TUSC3: variants seen among roughly 807,000 people sequenced by gnomAD.
TUSC3 encodes dolichyl-diphosphooligosaccharide--protein glycosyltransferase subunit TUSC3.
Under a neutral mutation model 44.8 loss-of-function variants are expected in TUSC3, and 45 were observed. The observed-to-expected ratio is 1.00, with a 90% confidence interval of 0.79 to 1.29. TUSC3 has a LOEUF of 1.29. TUSC3 is among the 50% of genes most tolerant of loss of function. The pLI is 0.00. For synonymous variants in TUSC3, 212 were observed against 152.9 expected (o/e 1.39, Z -2.85); for missense variants, 519 against 437.9 (o/e 1.19, Z -1.65).
intron 1 of TUSC3, among the ~76,000 whole-genome samples, chr8:15,547,373 G>T (rs376243548): frequency 1.5e-4 from 22 of 151,612 alleles, no homozygotes; most frequent in Admixed American, 2.0e-4. Context: ...CCATTGCCAA[G>T]TTAGTTTCTA....
intron 1 of TUSC3, among the ~76,000 whole-genome samples, chr8:15,614,685 T>G (rs11781005): frequency 0.22 from 33,585 of 151,996 alleles, 4,489 homozygotes; most frequent in Non-Finnish European, 0.31. Context: ...GTCTATCCAT[T>G]CAACAGTTGA....
chr8:15,703,736 C>T (rs556655959), intron 6 of TUSC3, among the ~76,000 whole-genome samples: 5 of 152,098 alleles, frequency 3.3e-5, no homozygotes, highest in African/African-American at 9.6e-5. Context: ...AAACTAATAG[C>T]GGGAGAACTC....
chr8:15,565,904 A>G (rs1036834680), intron 1 of TUSC3, among the ~76,000 whole-genome samples: 4 of 152,260 alleles, frequency 2.6e-5, no homozygotes, highest in African/African-American at 9.6e-5. Context: ...GTAAGCCACT[A>G]AAATTTTGGG....
At chr8:15,617,879 A>G (rs1805063511) in intron 1 of TUSC3, among the ~76,000 whole-genome samples, 1 of 152,192 alleles carries the variant, frequency 6.6e-6, no homozygotes, top group African/African-American at 2.4e-5. Flanking sequence ...TAAAGACAAA[A>G]GTATGCTCAC....
chr8:15,585,641 C>G (rs1032410184), intron 1 of TUSC3, among the ~76,000 whole-genome samples: 1 of 152,110 alleles, frequency 6.6e-6, no homozygotes, highest in Non-Finnish European at 1.5e-5. Context: ...ATCAATCACT[C>G]CCTATTGGTT....
chr8:15,603,070 A>C (rs1043950363), intron 1 of TUSC3, among the ~76,000 whole-genome samples: 1 of 151,640 alleles, frequency 6.6e-6, no homozygotes, highest in African/African-American at 2.4e-5. Context: ...GGAGACCATA[A>C]GTAAATTGAT....
intron 1 of TUSC3, among the ~76,000 whole-genome samples, chr8:15,481,396 T>G: frequency 6.6e-6 from 1 of 152,128 alleles, no homozygotes; most frequent in East Asian, 1.9e-4. Context: ...TTCAGACCCC[T>G]CTTGTTCCCT....
chr8:15,620,935 CAGTA>C (rs1466644597), intron 1 of TUSC3, among the ~76,000 whole-genome samples: 52 of 152,034 alleles, frequency 3.4e-4, no homozygotes, highest in Admixed American at 9.2e-4. Context: ...ATGAGAAAAA[CAGTA>C]AGATTATTGT....
intron 1 of TUSC3, among the ~76,000 whole-genome samples, chr8:15,437,347 C>T (rs1313334666): frequency 6.6e-6 from 1 of 152,112 alleles, no homozygotes; most frequent in Admixed American, 6.6e-5. Context: ...CTGTTTACTA[C>T]ATTTCTAAGC....
At chr8:15,721,641 A>C (rs1585266659) in intron 6 of TUSC3, among the ~76,000 whole-genome samples, 1 of 152,200 alleles carries the variant, frequency 6.6e-6, no homozygotes, top group African/African-American at 2.4e-5. Flanking sequence ...GCATTTAGTT[A>C]AACACAAGAA....
chr8:15,425,286 G>A (rs1463383220), intron 1 of TUSC3, among the ~76,000 whole-genome samples: 1 of 152,216 alleles, frequency 6.6e-6, no homozygotes, highest in African/African-American at 2.4e-5. Flanking sequence ...CTATAAATTG[G>A]TTGTGTTGCC....
At chr8:15,582,930 G>T (rs1017183170) in intron 1 of TUSC3, among the ~76,000 whole-genome samples, 1 of 152,148 alleles carries the variant, frequency 6.6e-6, no homozygotes, top group Non-Finnish European at 1.5e-5. Flanking sequence ...CACTCAGTCT[G>T]TATATACCTC....
the TUSC3 span, among the ~76,000 whole-genome samples, chr8:15,834,097 C>T: frequency 6.6e-6 from 1 of 151,930 alleles, no homozygotes; most frequent in Non-Finnish European, 1.5e-5. Flanking sequence ...GTACTCTTCC[C>T]GACTCTCCTC....
At chr8:15,715,622 G>T (rs1810026442) in intron 6 of TUSC3, among the ~76,000 whole-genome samples, 1 of 151,912 alleles carries the variant, frequency 6.6e-6, no homozygotes, top group Non-Finnish European at 1.5e-5. Context: ...GACTGTAGTT[G>T]ACAGCAGGTA....
At chr8:15,603,536 T>C (rs563868296) in intron 1 of TUSC3, among the ~76,000 whole-genome samples, 1 of 151,776 alleles carries the variant, frequency 6.6e-6, no homozygotes, top group South Asian at 2.1e-4. Flanking sequence ...AAAAATTTTT[T>C]AAGTACAATA....
chr8:15,727,235 G>T (rs781532144), intron 6 of TUSC3, among the ~76,000 whole-genome samples: 4 of 152,090 alleles, frequency 2.6e-5, no homozygotes, highest in Non-Finnish European at 5.9e-5. Flanking sequence ...TGCTGCAGGG[G>T]CCCCATAAAT....
At chr8:15,528,890 T>C (rs1403757377) in intron 2 of TUSC3, among the ~76,000 whole-genome samples, 1 of 152,236 alleles carries the variant, frequency 6.6e-6, no homozygotes, top group East Asian at 1.9e-4. Flanking sequence ...CTTTGAACTT[T>C]GACCTCAGAG....
At chr8:15,799,116 A>G in the TUSC3 span, among the ~76,000 whole-genome samples, 2 of 152,108 alleles carry the variant, frequency 1.3e-5, no homozygotes, top group Non-Finnish European at 2.9e-5. Flanking sequence ...ACAAACAACA[A>G]CAAAACCCAA....
chr8:15,732,727 G>A (rs998911918), intron 7 of TUSC3, among the ~76,000 whole-genome samples: 1 of 152,102 alleles, frequency 6.6e-6, no homozygotes, highest in Non-Finnish European at 1.5e-5. Context: ...TAATGAAAAC[G>A]AAGGAATGAA....
Sources: allele counts gnomAD v4.1 joint callset (sites outside exome capture counted in the v4.1 genomes callset), GRCh38; gene constraint gnomAD v4.1.1; transcripts MANE v1.5; gene names NCBI Gene and HGNC (gene_info 2026-07-23, HGNC 2026-07-21).